Variants in DGKB observed in about 807,000 individuals in gnomAD.
The protein encoded by DGKB is 90 kDa diacylglycerol kinase.
A neutral mutation model predicts 114.3 loss-of-function variants in DGKB; 67 were observed. The observed-to-expected ratio is 0.59, with a 90% CI of 0.48 to 0.72. The LOEUF (loss-of-function observed/expected upper bound fraction) is 0.72, where lower values mean the gene tolerates loss of function less well. Among genes scored for constraint, DGKB ranks in the 30% least tolerant of loss-of-function variants. The pLI, the probability that DGKB is intolerant of heterozygous loss-of-function variation, is 0.00. For missense variants in DGKB, 907 were observed against 975.2 expected (o/e 0.93, Z 0.93); for synonymous variants, 398 against 323.1 (o/e 1.23, Z -2.49).
At chr7:14,580,524 A>G (rs533894238) in intron 19 of DGKB, among the ~76,000 whole-genome samples, 40 of 152,280 alleles carry the variant, frequency 2.6e-4, no homozygotes, top group African/African-American at 9.1e-4. Flanking sequence ...CTCCCAACTT[A>G]TAAATGAAAA....
chr7:14,673,474 T>C (rs911791855), intron 12 of DGKB, among the ~76,000 whole-genome samples: 9 of 150,798 alleles, frequency 6.0e-5, no homozygotes, highest in South Asian at 2.1e-4. Flanking sequence ...TGGGGCATAA[T>C]TGATCCCATC....
At chr7:14,477,377 G>T (rs974378773) in intron 21 of DGKB, among the ~76,000 whole-genome samples, 7 of 152,164 alleles carry the variant, frequency 4.6e-5, no homozygotes, top group Non-Finnish European at 8.8e-5. Flanking sequence ...AATAGATAAA[G>T]TCACTTAAAT....
chr7:14,531,993 C>T lies in DGKB; in HGVS notation c.1770+42219G>A, dbSNP rs561094194. Among the ~76,000 whole-genome samples, 55 of 151,204 alleles carry T rather than the reference C, an allele frequency of 3.6e-4. 1 individual carries two copies. Among genetic ancestry groups the T allele is most frequent in the South Asian group, 2.3e-3 (11 of 4,816 alleles). On this transcript the variant is annotated intron_variant, in intron 20 of 25. Coordinates refer to ENST00000402815, the MANE Select transcript of DGKB (RefSeq NM_001350709.2). Reference sequence around the variant, plus strand: ...ATGCAAAAAAAAAATGAAGTTAGGCCTTCCCTTTAAACCATATACAAAAAT... The same window carrying T: ...ATGCAAAAAAAAAATGAAGTTAGGCTTTCCCTTTAAACCATATACAAAAAT...
At chr7:14,563,512 T>C (rs1796968112) in intron 20 of DGKB, among the ~76,000 whole-genome samples, 1 of 152,166 alleles carries the variant, frequency 6.6e-6, no homozygotes, top group Non-Finnish European at 1.5e-5. Flanking sequence ...ATGATTTCTA[T>C]TTGGTACCTT....
At chr7:14,722,205 T>C (rs1829287457) in intron 5 of DGKB, among the ~76,000 whole-genome samples, 1 of 152,174 alleles carries the variant, frequency 6.6e-6, no homozygotes, top group African/African-American at 2.4e-5. Context: ...TGTCTACCAT[T>C]ATAGTGTCTT....
intron 14 of DGKB, among the ~76,000 whole-genome samples, chr7:14,624,895 A>T (rs944566088): frequency 1.3e-5 from 2 of 152,024 alleles, no homozygotes; most frequent in Admixed American, 1.3e-4. Context: ...GTTACTCTGG[A>T]AGCTGAAGTG....
At chr7:14,883,424 T>A (rs1854545007) in intron 1 of DGKB, among the ~76,000 whole-genome samples, 1 of 151,918 alleles carries the variant, frequency 6.6e-6, no homozygotes, top group African/African-American at 2.4e-5. Context: ...CACAAACAAA[T>A]GCACATTGTA....
At chr7:14,283,331 G>C (rs372791544) in intron 23 of DGKB, among the ~76,000 whole-genome samples, 2,554 of 150,782 alleles carry the variant, frequency 0.017, 75 homozygotes, top group African/African-American at 0.058. Context: ...TCTTCAAGGA[G>C]AACTACAAAC....
At chr7:14,946,585 C>T (rs1410362060) in intron 1 of DGKB, among the ~76,000 whole-genome samples, 2 of 151,760 alleles carry the variant, frequency 1.3e-5, no homozygotes, top group African/African-American at 4.8e-5. Flanking sequence ...ACAAACTACA[C>T]ACATACACAC....
intron 1 of DGKB, among the ~76,000 whole-genome samples, chr7:14,969,630 C>G (rs217608): frequency 0.55 from 84,218 of 151,928 alleles, 25,199 homozygotes; most frequent in East Asian, 0.83. Context: ...GAGGGATCTA[C>G]GTTGTGTGCT....
chr7:14,932,488 C>T (rs1785072692), intron 1 of DGKB, among the ~76,000 whole-genome samples: 1 of 152,122 alleles, frequency 6.6e-6, no homozygotes. Flanking sequence ...TCGTAATGAA[C>T]ATCATTAGTC....
At chr7:14,851,886 C>T (rs1278051946) in intron 1 of DGKB, among the ~76,000 whole-genome samples, 2 of 152,148 alleles carry the variant, frequency 1.3e-5, no homozygotes, top group Non-Finnish European at 2.9e-5. Flanking sequence ...GTAAAGACGC[C>T]TTCAGATGAT....
chr7:14,946,012 A>C (rs1438588105), intron 1 of DGKB, among the ~76,000 whole-genome samples: 1 of 151,630 alleles, frequency 6.6e-6, no homozygotes, highest in Non-Finnish European at 1.5e-5. Flanking sequence ...TTTTCCTTTC[A>C]GATGTCTCAA....
rs978180894 is a variant in DGKB, at chr7:14,747,187, T to A, written c.168+6741A>T. On this transcript the variant is annotated intron_variant, in intron 4 of 25. Coordinates refer to ENST00000402815, the MANE Select transcript of DGKB (RefSeq NM_001350709.2). ...CTTGCAATGTGGGAAAACACAAACC[T>A]CTTTTTTTTTTTTTTTTTTTCCTAA... Among the ~76,000 whole-genome samples the A allele has an allele frequency of 1.6e-4, 22 of 133,614 alleles. 1 individual carries two copies. In the East Asian group the frequency reaches 4.4e-3, roughly 27 times the overall value. 87.7% of individuals were successfully genotyped at this position (133,614 alleles called of 152,430 possible).
intron 2 of DGKB, among the ~76,000 whole-genome samples, chr7:14,766,189 CCAACTATTGGAA>C (rs1836427515): frequency 6.6e-6 from 1 of 151,910 alleles, no homozygotes; most frequent in Non-Finnish European, 1.5e-5. Flanking sequence ...AAGTACTGTT[CCAACTATTGGAA>C]TATATCATTG....
intron 23 of DGKB, among the ~76,000 whole-genome samples, chr7:14,178,722 T>A (rs1365291030): frequency 6.6e-6 from 1 of 152,162 alleles, no homozygotes; most frequent in African/African-American, 2.4e-5. Context: ...ATAGTAATTT[T>A]GTGAAATGTT....
chr7:14,237,793 A>G (rs1243270834), intron 23 of DGKB, among the ~76,000 whole-genome samples: 2 of 151,978 alleles, frequency 1.3e-5, no homozygotes, highest in African/African-American at 4.8e-5. Context: ...AGATAACATA[A>G]AAAACAAGAC....
intron 1 of DGKB, among the ~76,000 whole-genome samples, chr7:14,952,353 A>G (rs1027910640): frequency 6.6e-6 from 1 of 152,054 alleles, no homozygotes; most frequent in Non-Finnish European, 1.5e-5. Context: ...GCAAACTGAT[A>G]TAACATCGCA....
At chr7:14,422,350 T>C (rs1826845410) in intron 21 of DGKB, among the ~76,000 whole-genome samples, 1 of 152,098 alleles carries the variant, frequency 6.6e-6, no homozygotes, top group Admixed American at 6.6e-5. Context: ...GAGATTTTTC[T>C]GTTGCAAACA....
Sources: allele counts gnomAD v4.1 joint callset (sites outside exome capture counted in the v4.1 genomes callset), GRCh38; gene constraint gnomAD v4.1.1; transcripts MANE v1.5; gene names NCBI Gene and HGNC (gene_info 2026-07-23, HGNC 2026-07-21).